The following CERS6 variants were observed in gnomAD, a reference collection of about 807,000 sequenced individuals.
CERS6 encodes LAG1 homolog, ceramide synthase 6.
CERS6 carries 26 observed loss-of-function variants against 56.8 expected under a neutral mutation model. That is an observed-to-expected ratio of 0.46 (90% CI 0.34 to 0.63). The LOEUF (loss-of-function observed/expected upper bound fraction) is 0.63. CERS6 is among the 30% of genes least tolerant of loss of function. CERS6 has a pLI of 0.01. For missense variants in CERS6, 415 were observed against 467.5 expected (o/e 0.89, Z 1.04); for synonymous variants, 164 against 173.3 (o/e 0.95, Z 0.42).
intron 8 of CERS6, among the ~76,000 whole-genome samples, chr2:168,763,011 C>T (rs1397099439): frequency 3.3e-5 from 5 of 152,038 alleles, no homozygotes; most frequent in African/African-American, 1.2e-4. Context: ...GCAGCTGGAA[C>T]TGCAGGCATG....
intron 3 of CERS6, among the ~76,000 whole-genome samples, chr2:168,571,169 C>G (rs1695978761): frequency 6.6e-6 from 1 of 152,096 alleles, no homozygotes. Context: ...GGCTTGCCCT[C>G]TCTTGCTCTC....
At chr2:168,751,235 A>T (rs1684258822) in intron 8 of CERS6, among the ~76,000 whole-genome samples, 1 of 152,214 alleles carries the variant, frequency 6.6e-6, no homozygotes, top group African/African-American at 2.4e-5. Flanking sequence ...AGTTGTGCCA[A>T]TGAGTTGATC....
intron 8 of CERS6, among the ~76,000 whole-genome samples, chr2:168,743,608 C>G (rs989194336): frequency 3.9e-5 from 6 of 152,098 alleles, no homozygotes; most frequent in African/African-American, 1.4e-4. Flanking sequence ...TTTTATATAA[C>G]CTTCTCTAGT....
chr2:168,612,560 A>G (rs1298603169), intron 3 of CERS6, among the ~76,000 whole-genome samples: 1 of 152,256 alleles, frequency 6.6e-6, no homozygotes, highest in Non-Finnish European at 1.5e-5. Flanking sequence ...TAAAGAGGTT[A>G]TCCCAGGCTA....
chr2:168,669,007 G>T (rs954970394), intron 4 of CERS6, among the ~76,000 whole-genome samples: 8 of 152,104 alleles, frequency 5.3e-5, no homozygotes, highest in Admixed American at 5.2e-4. Flanking sequence ...TATGTCCCTC[G>T]CTGTTCCTCT....
Position 168,511,597 on chromosome 2 carries a change from G to C in CERS6, c.171-35999G>C, listed in dbSNP as rs1323333750. On this transcript the variant is annotated intron_variant, in intron 1 of 9. Transcript: ENST00000305747. ...TTAGGCTGAGGACTTAGAAACCTCA[G>C]CTTTGGGCTATATTCTGGTGTTAAT... Among the ~76,000 whole-genome samples, 4 of 152,172 alleles carry C rather than the reference G, an allele frequency of 2.6e-5. No homozygotes were observed. In the East Asian group the frequency reaches 7.7e-4, roughly 29 times the overall value.
At chr2:168,746,746 A>G (rs1684105260) in intron 8 of CERS6, among the ~76,000 whole-genome samples, 1 of 138,612 alleles carries the variant, frequency 7.2e-6, no homozygotes, top group Non-Finnish European at 1.5e-5. Context: ...ACAAGTAGCT[A>G]TTTCCAAACT....
At chr2:168,549,889 A>C (rs759627828) in intron 2 of CERS6, among the ~76,000 whole-genome samples, 1 of 152,048 alleles carries the variant, frequency 6.6e-6, no homozygotes, top group Non-Finnish European at 1.5e-5. Flanking sequence ...AGCTTGAACA[A>C]AGTGTGCGTT....
intron 8 of CERS6, among the ~76,000 whole-genome samples, chr2:168,745,248 T>A (rs112297453): frequency 3.1e-3 from 57 of 18,366 alleles, no homozygotes; most frequent in African/African-American, 9.4e-3. Flanking sequence ...AGTTTAAAAA[T>A]TTTTTTTTTT....
At chr2:168,664,071 T>G (rs1685697786) in intron 4 of CERS6, among the ~76,000 whole-genome samples, 1 of 152,230 alleles carries the variant, frequency 6.6e-6, no homozygotes, top group Admixed American at 6.5e-5. Context: ...TTCGCCCTTC[T>G]GAACAGTTCT....
At chr2:168,631,606 T>C (rs13024634) in intron 4 of CERS6, among the ~76,000 whole-genome samples, 1 of 52,100 alleles carries the variant, frequency 1.9e-5, no homozygotes, top group Non-Finnish European at 4.1e-5. Context: ...ATTAAATATA[T>C]AATATATTTA....
At chr2:168,603,229 A>G (rs1202093846) in intron 3 of CERS6, among the ~76,000 whole-genome samples, 3 of 152,146 alleles carry the variant, frequency 2.0e-5, no homozygotes, top group Admixed American at 2.0e-4. Context: ...CTCATTGGTG[A>G]TGGGAAGAAA....
intron 1 of CERS6, among the ~76,000 whole-genome samples, chr2:168,475,838 G>C (rs1269384155): frequency 6.6e-6 from 1 of 152,150 alleles, no homozygotes; most frequent in Non-Finnish European, 1.5e-5. Flanking sequence ...TTTGTGTTCT[G>C]TGGGTCGTGT....
In CERS6 at chr2:168,486,604, CCTTTGCT is replaced by C. The variant is rs1270217326; in HGVS notation, c.170+29992_170+29998del. The stretch of plus-strand genomic sequence containing the variant: ...AGACAATCGTTTTTCCACGGAATTG[CCTTTGCT>C]CTTTGGTCAAAGATCAGTTGACTGT... On this transcript the variant is annotated intron_variant, in intron 1 of 9. Coordinates refer to ENST00000305747, the MANE Select transcript of CERS6 (RefSeq NM_203463.3). Among the ~76,000 whole-genome samples, 17 of 150,788 alleles carry C rather than the reference CCTTTGCT, an allele frequency of 1.1e-4. No individual in the cohort carries two copies. In the East Asian group the frequency reaches 3.4e-3, roughly 30 times the overall value.
At chr2:168,477,408 CTTTG>C (rs1442403654) in intron 1 of CERS6, among the ~76,000 whole-genome samples, 9 of 152,112 alleles carry the variant, frequency 5.9e-5, no homozygotes, top group Admixed American at 5.2e-4. Flanking sequence ...CTCATTTGCA[CTTTG>C]TTTTTCACTT....
In CERS6 at chr2:168,522,371, C is replaced by G. The variant is rs143285799; in HGVS notation, c.171-25225C>G. On this transcript the variant is annotated intron_variant, in intron 1 of 9. Transcript: ENST00000305747. ...GTAATTTATAAACTACCTTTTAAAG[C>G]AGGGCTCACTTAATGCTGAACATTA... is the stretch of plus-strand genomic sequence containing the variant. Among the ~76,000 whole-genome samples, 148 of 152,284 alleles carry G rather than the reference C, an allele frequency of 9.7e-4. 3 individuals are homozygous for G. The highest frequency in any genetic ancestry group is 6.5e-3 in the East Asian group (34 of 5,192).
intron 1 of CERS6, among the ~76,000 whole-genome samples, chr2:168,533,494 G>A (rs1262592611): frequency 1.3e-5 from 2 of 152,192 alleles, no homozygotes; most frequent in Non-Finnish European, 1.5e-5. Context: ...GAATAGGAGT[G>A]GTGAGAGAGG....
intron 1 of CERS6, among the ~76,000 whole-genome samples, chr2:168,473,601 A>G (rs1339842897): frequency 6.6e-6 from 1 of 152,180 alleles, no homozygotes; most frequent in African/African-American, 2.4e-5. Flanking sequence ...ATGTTTCATT[A>G]TCTAACATTA....
At chr2:168,650,904 C>T (rs78279434) in intron 4 of CERS6, among the ~76,000 whole-genome samples, 6,124 of 152,124 alleles carry the variant, frequency 0.04, 341 homozygotes, top group African/African-American at 0.12. Context: ...TCTTCTTGAA[C>T]AATATAGAAG....
Sources: gnomAD v4.1 joint callset for allele counts (sites outside exome capture counted in the v4.1 genomes callset) on GRCh38, gnomAD v4.1.1 for gene constraint, MANE v1.5 for transcripts, NCBI Gene and HGNC (gene_info 2026-07-23, HGNC 2026-07-21) for gene names.